Variants in MICALL2 observed in about 807,000 individuals in gnomAD.
MICALL2 encodes MICAL-like protein 2.
Under a neutral mutation model 91.1 loss-of-function variants are expected in MICALL2, and 111 were observed. The observed-to-expected ratio is 1.22, with a 90% confidence interval of 1.04 to 1.43. MICALL2 has a LOEUF of 1.43. MICALL2 is among the 40% of genes most tolerant of loss of function. MICALL2 has a pLI of 0.00. For synonymous variants in MICALL2, 694 were observed against 525.3 expected, an observed-to-expected ratio of 1.32 and a Z score of -4.39; for missense variants, 1,556 against 1,236.0, an observed-to-expected ratio of 1.26 and a Z score of -3.88.
At position 1,448,696 on chromosome 7, in the gene MICALL2, G is replaced by C. The variant is rs765349781; in HGVS notation, c.258C>G (p.Ala86=). 1.9e-6 allele frequency: 3 copies of C among 1,612,710 alleles called. No individual in the cohort carries two copies. Among genetic ancestry groups the C allele is most frequent in the Non-Finnish European group, 2.5e-6 (3 of 1,179,952 alleles). The part of the protein sequence containing the change: ...PALLDAEDMV[A]LKVPDRLSIL... ...TGCTCAGCCGGTCAGGCACCTTCAA[G>C]GCCACCATGTCCTCGGCATCCAGCA... is the stretch of plus-strand genomic sequence containing the variant. Residue 86 remains alanine (A), a synonymous_variant, in exon 3 of 17, where the codon GCC becomes GCG. Transcript: ENST00000297508.
rs751456779 is a variant in MICALL2, at chr7:1,438,909, G to A, written c.2053C>T (p.Pro685Ser). Reference sequence around the variant, plus strand: ...CTCTGCACTCGGGCTTCCTGGCCAGGGGGCTCCGGCCGAAGCCAGTTGTCA... The same window carrying A: ...CTCTGCACTCGGGCTTCCTGGCCAGAGGGCTCCGGCCGAAGCCAGTTGTCA... The part of the protein sequence containing the change: ...VCDNWLRPEP[P>S]GQEARVQSWK... Residue 685 changes from proline (P) to serine (S), a missense_variant, in exon 10 of 17, where the codon CCT (proline) becomes TCT (serine). Coordinates refer to ENST00000297508, the MANE Select transcript of MICALL2 (RefSeq NM_182924.4). The A allele has an allele frequency of 3.1e-6, 5 of 1,609,600 alleles. No homozygotes were observed. The highest frequency in any genetic ancestry group is 1.7e-5 in the Admixed American group (1 of 59,988).
intron 9 of MICALL2, 192 bp from the exon 10 acceptor site, chr7:1,439,187 G>T (rs112290861): frequency 2.0e-5 from 11 of 563,722 alleles, no homozygotes; most frequent in Non-Finnish European, 2.8e-5. Context: ...TCTCCCCAGG[G>T]GGCTAACCCA....
intron 6 of MICALL2, among the ~76,000 whole-genome samples, chr7:1,443,566 G>C (rs1048167292): frequency 6.6e-6 from 1 of 152,202 alleles, no homozygotes; most frequent in East Asian, 1.9e-4. Context: ...ATCATGTTAA[G>C]ATGCACTCAC....
intron 12 of MICALL2, 49 bp from the exon 13 acceptor site, chr7:1,438,029 C>T: frequency 5.8e-6 from 9 of 1,555,146 alleles, no homozygotes; most frequent in Middle Eastern, 2.1e-4. Flanking sequence ...GAGTTCATGG[C>T]CCCCAGCCCC....
At chr7:1,440,941 G>A (rs957908964) in intron 7 of MICALL2, 4 of 492,448 alleles carry the variant, frequency 8.1e-6, no homozygotes, top group African/African-American at 2.0e-5. Context: ...TCTGCCGAAT[G>A]GGTGGGGACG....
Position 1,437,945 on chromosome 7 carries a change from A to C in MICALL2, c.2347T>G (p.Trp783Gly). 1 of 1,550,010 alleles carries C rather than the reference A, an allele frequency of 6.5e-7. No homozygotes were observed. The highest frequency in any genetic ancestry group is 8.7e-7 in the Non-Finnish European group (1 of 1,147,126). Residue 783 changes from tryptophan (W) to glycine (G), a missense_variant, in exon 13 of 17, where the codon TGG (tryptophan) becomes GGG (glycine). Coordinates refer to ENST00000297508, the MANE Select transcript of MICALL2 (RefSeq NM_182924.4). ...AGAAGCTGCTTCTCGTGAATGAGCC[A>C]GAACCAGTCCACCATGAGGCTATCC... ...AEDSLMVDWF[W>G]LIHEKQLLLR... is the part of the protein sequence containing the mutation.
At chr7:1,448,520 G>GA in intron 3 of MICALL2, 100 bp downstream of exon 3, 5 of 1,115,284 alleles carry the variant, frequency 4.5e-6, no homozygotes, top group Non-Finnish European at 6.7e-6. Flanking sequence ...TCTTGGGGGG[G>GA]GGGCTGGGCA....
chr7:1,447,940 C>T (rs1780672770), intron 3 of MICALL2, 175 bp from the exon 4 acceptor site: 1 of 465,204 alleles, frequency 2.1e-6, no homozygotes, highest in Non-Finnish European at 3.8e-6. Flanking sequence ...CCGGGTCGGT[C>T]CCCACTCCTT....
rs770481620 is a variant in MICALL2, at chr7:1,438,831, G to A, written c.2122+9C>T. On this transcript the variant is annotated intron_variant, in intron 10 of 16. Transcript: ENST00000297508. The stretch of plus-strand genomic sequence containing the variant: ...CACCCCAAACAGCAGCGGTGTCTCT[G>A]GGGCTGACCTGGTTTGCCCTGAAGG... The A allele has an allele frequency of 2.1e-5, 34 of 1,597,572 alleles. No individual in the cohort carries two copies. Among genetic ancestry groups the A allele is most frequent in the African/African-American group, 1.2e-4 (9 of 74,716 alleles).
intron 1 of MICALL2, among the ~76,000 whole-genome samples, chr7:1,454,323 G>A (rs1727413956): frequency 6.6e-6 from 1 of 152,162 alleles, no homozygotes. Context: ...GAAGACCCCA[G>A]CGGAGATGGT....
rs549272138 is a variant in MICALL2 at position 1,452,163 on chromosome 7, C to T, written c.144-1875G>A. On this transcript the variant is annotated intron_variant, in intron 1 of 16. Transcript: ENST00000297508. This position sits in a 1 kb window ranked among gnomAD's most constrained non-coding sequence, Gnocchi z 6.2. ...CGGCAGGACCACCCGTCTGCACAGG[C>T]GGAGCTTCTGCACGCCGGACAAGAT... is the stretch of plus-strand genomic sequence containing the variant. Among the ~76,000 whole-genome samples, 6 of 152,354 alleles carry T rather than the reference C, an allele frequency of 3.9e-5. No homozygotes were observed. The highest frequency in any genetic ancestry group is 3.9e-4 in the East Asian group (2 of 5,184).
Position 1,439,706 on chromosome 7 carries a change from G to T in MICALL2, c.1966+219C>A, listed in dbSNP as rs902251675. 43 of 433,974 alleles carry T rather than the reference G, an allele frequency of 9.9e-5. 1 individual carries two copies. Among genetic ancestry groups the T allele is most frequent in the African/African-American group, 7.6e-4 (37 of 48,606 alleles). 26.9% of individuals were successfully genotyped at this position (433,974 alleles called of 1,614,324 possible). ...ACATGCGCACACATGCATCACGCAT[G>T]GATACAGGCATCACATACATGAACA... On this transcript the variant is annotated intron_variant, in intron 9 of 16. Coordinates refer to ENST00000297508, the MANE Select transcript of MICALL2 (RefSeq NM_182924.4).
At position 1,459,172 on chromosome 7, in the gene MICALL2, G is replaced by A. The variant is rs374123229; in HGVS notation, c.143+12C>T. 68 of 1,605,328 alleles carry A rather than the reference G, an allele frequency of 4.2e-5. 1 individual carries two copies. Among genetic ancestry groups the A allele is most frequent in the Middle Eastern group, 3.5e-4 (2 of 5,658 alleles). ...ACAGCAGAAGAATCAAAGGGCGCCAGGCAGGACTTACATGAGGTCGGGCCG... is the reference window on the plus strand; with the variant it reads ...ACAGCAGAAGAATCAAAGGGCGCCAAGCAGGACTTACATGAGGTCGGGCCG... On this transcript the variant is annotated intron_variant, in intron 1 of 16. Transcript: ENST00000297508.
chr7:1,435,202 A>AG (rs1490927365), intron 15 of MICALL2, 55 bp from the exon 16 acceptor site: 1 of 1,589,142 alleles, frequency 6.3e-7, no homozygotes, highest in African/African-American at 1.3e-5. Context: ...GGTGCCCTGG[A>AG]GGGGCCTCCG....
rs772458228 is a variant in MICALL2 at position 1,438,969 on chromosome 7, T to C, written c.1993A>G (p.Arg665Gly). Residue 665 changes from arginine to glycine, a missense_variant, in exon 10 of 17, where the codon AGG becomes GGG. By Grantham distance (125) the Arg-to-Gly change is moderately radical. Coordinates refer to ENST00000297508, the MANE Select transcript of MICALL2 (RefSeq NM_182924.4). ...AGGCTGGCAGGGACGGCCAGTCTCCTGCGGCGGGGTGGGGAGGGGGACCTG... is the reference window on the plus strand; with the variant it reads ...AGGCTGGCAGGGACGGCCAGTCTCCCGCGGCGGGGTGGGGAGGGGGACCTG... ...PARSPSPPRR[R>G]RLAVPASLDV... The C allele has an allele frequency of 2.5e-6, 4 of 1,598,562 alleles. No homozygotes were observed. The Admixed American group carries it at 5.0e-5, about 20-fold the overall frequency.
intron 15 of MICALL2, 30 bp downstream of exon 15, chr7:1,436,712 T>C: frequency 6.4e-7 from 1 of 1,564,370 alleles, no homozygotes. Context: ...CTGGCCTGGC[T>C]GGGAGGGGCC....
Position 1,447,638 on chromosome 7 carries a change from T to C in MICALL2, c.462A>G (p.Pro154=). Residue 154 remains proline (P), a synonymous_variant, in exon 4 of 17, where the codon CCA becomes CCG. Transcript: ENST00000297508. ...PAPARKPPLS[P]AQTNPVVQRR... ...TCTGGACCACAGGGTTTGTCTGGGCTGGAGATAGTGGAGGCTTCCGGGCTG... is the reference window on the plus strand; with the variant it reads ...TCTGGACCACAGGGTTTGTCTGGGCCGGAGATAGTGGAGGCTTCCGGGCTG... 2 of 1,597,454 alleles carry C rather than the reference T, an allele frequency of 1.3e-6. No individual in the cohort carries two copies. Among genetic ancestry groups the C allele is most frequent in the Non-Finnish European group, 1.7e-6 (2 of 1,172,918 alleles).
chr7:1,448,261 A>C (rs1780683074), intron 3 of MICALL2, among the ~76,000 whole-genome samples: 1 of 152,218 alleles, frequency 6.6e-6, no homozygotes, highest in Admixed American at 6.5e-5. Flanking sequence ...GTGGGCACAG[A>C]AGCTCAGGGG....
intron 1 of MICALL2, 63 bp downstream of exon 1, chr7:1,459,120 TC>T: frequency 6.6e-7 from 1 of 1,504,002 alleles, no homozygotes; most frequent in Non-Finnish European, 9.0e-7. Flanking sequence ...GGCCTCAGTT[TC>T]CCCGCCCGTG....
Sources: allele counts gnomAD v4.1 joint callset (sites outside exome capture counted in the v4.1 genomes callset), GRCh38; gene constraint gnomAD v4.1.1; non-coding constraint Gnocchi (gnomAD v3.1); transcripts MANE v1.5; gene names NCBI Gene and HGNC (gene_info 2026-07-23, HGNC 2026-07-21).